Variants in ATR observed in about 807,000 individuals in gnomAD.
ATR encodes the protein ATR checkpoint kinase.
A neutral mutation model predicts 305.3 loss-of-function variants in ATR; 142 were observed. The ratio of observed to expected loss-of-function variants is 0.47; its 90% CI spans 0.41 to 0.53. ATR has a LOEUF of 0.53. ATR is among the 20% of genes least tolerant of loss of function. ATR has a pLI of 0.00. For synonymous variants in ATR, 1,050 were observed against 1,068.1 expected (o/e 0.98, Z 0.33); for missense variants, 2,135 against 3,133.1 (o/e 0.68, Z 7.60).
At position 142,570,512 on chromosome 3, in the gene ATR, G is replaced by C. The variant is rs2035225414; in HGVS notation, c.60-2358C>G. 1.3e-5 allele frequency among the ~76,000 whole-genome samples: 2 copies of C among 152,128 alleles called. 1 individual carries two copies. The highest frequency in any genetic ancestry group is 4.1e-4 in the South Asian group (2 of 4,834). On this transcript the variant is annotated intron_variant, in intron 1 of 46. Coordinates refer to ENST00000350721, the MANE Select transcript of ATR (RefSeq NM_001184.4). ...AGCGATTCTCCTGCCTCAGCCTCCT[G>C]AGTAGCTGCGATTACAAGCATGTAC...
At chr3:142,496,785 A>G (rs1038843126) in intron 33 of ATR, among the ~76,000 whole-genome samples, 3 of 152,152 alleles carry the variant, frequency 2.0e-5, no homozygotes, top group Non-Finnish European at 4.4e-5. Flanking sequence ...TCAGTAAAAA[A>G]CATATCCCCC....
chr3:142,486,742 A>G (rs2030949353), intron 35 of ATR, among the ~76,000 whole-genome samples: 1 of 151,916 alleles, frequency 6.6e-6, no homozygotes, highest in African/African-American at 2.4e-5. Context: ...ATTATTACAA[A>G]TTTATCATCC....
In ATR at chr3:142,475,139, T is replaced by C. The variant is rs2071403174; in HGVS notation, c.6222-4956A>G. Among the ~76,000 whole-genome samples, 3 of 152,328 alleles carry C rather than the reference T, an allele frequency of 2.0e-5. No individual in the cohort carries two copies. In the South Asian group the frequency reaches 6.2e-4, roughly 32 times the overall value. ...TATACTTTAAGTTATAGAGTACATG[T>C]GCACAACGTGCAGGTTTTTAGATAT... On this transcript the variant is annotated intron_variant, in intron 36 of 46. Transcript: ENST00000350721.
intron 36 of ATR, among the ~76,000 whole-genome samples, chr3:142,471,528 A>G (rs887113441): frequency 3.3e-5 from 5 of 152,178 alleles, no homozygotes; most frequent in African/African-American, 9.6e-5. Flanking sequence ...TTATTTTGTC[A>G]AGATTAATTT....
chr3:142,553,007 G>C (rs1372037056), intron 13 of ATR, among the ~76,000 whole-genome samples: 1 of 152,028 alleles, frequency 6.6e-6, no homozygotes, highest in African/African-American at 2.4e-5. Context: ...TGCATGCTGG[G>C]CTTATACCTA....
At chr3:142,478,792 ATT>A (rs948175465) in intron 36 of ATR, among the ~76,000 whole-genome samples, 6 of 152,102 alleles carry the variant, frequency 3.9e-5, no homozygotes, top group African/African-American at 1.4e-4. Context: ...GTGCATATAT[ATT>A]TAGGATAGTT....
chr3:142,571,209 T>G (rs925358995), intron 1 of ATR, among the ~76,000 whole-genome samples: 11 of 152,172 alleles, frequency 7.2e-5, no homozygotes, highest in African/African-American at 2.7e-4. Context: ...GGCTCACGCC[T>G]GTAATACGAG....
At chr3:142,450,197 T>C (rs983529977) in intron 46 of ATR, 50 of 489,406 alleles carry the variant, frequency 1.0e-4, no homozygotes, top group South Asian at 2.2e-4. Context: ...GCCAAGAGCC[T>C]GGACTCCAAA....
chr3:142,541,983 C>G (rs1328343264), intron 17 of ATR, among the ~76,000 whole-genome samples: 4 of 151,912 alleles, frequency 2.6e-5, no homozygotes, highest in Admixed American at 1.3e-4. Context: ...TGGAAAGCAA[C>G]AGAAAGAGAA....
intron 34 of ATR, among the ~76,000 whole-genome samples, chr3:142,494,215 G>A (rs767563265): frequency 3.3e-5 from 5 of 152,154 alleles, no homozygotes; most frequent in Non-Finnish European, 5.9e-5. Context: ...TGCAAATACT[G>A]TGTATGCCAC....
intron 27 of ATR, among the ~76,000 whole-genome samples, chr3:142,508,923 CA>C (rs11453887): frequency 1.1e-4 from 13 of 118,282 alleles, no homozygotes; most frequent in East Asian, 2.3e-4. Flanking sequence ...GACTCCGTAT[CA>C]AAAAAAAAAA....
intron 35 of ATR, among the ~76,000 whole-genome samples, chr3:142,489,378 AT>A (rs1172365040): frequency 6.6e-6 from 1 of 152,148 alleles, no homozygotes; most frequent in Non-Finnish European, 1.5e-5. Context: ...TTCTTAAGAC[AT>A]ATACACCCAT....
rs1354779688 is a variant in ATR, at chr3:142,550,255, A to T, written c.2853T>A (p.Asn951Lys). Reference protein sequence around the residue: ...LHSSQMTALPNTPCQNADVRK... With the variant: ...LHSSQMTALPKTPCQNADVRK... The stretch of plus-strand genomic sequence containing the variant: ...GCACGTCAGCATTCTGGCATGGAGT[A>T]TTCGGAAGTGCTGTCATCTGACTAG... Residue 951 changes from asparagine to lysine, a missense_variant, in exon 14 of 47, where the codon AAT becomes AAA. By Grantham distance (94) the Asn-to-Lys change is moderately conservative (BLOSUM62 0). Transcript: ENST00000350721. The T allele has an allele frequency of 1.2e-6, 2 of 1,614,062 alleles. No individual in the cohort carries two copies. Among genetic ancestry groups the T allele is most frequent in the Non-Finnish European group, 1.7e-6 (2 of 1,180,024 alleles).
intron 35 of ATR, among the ~76,000 whole-genome samples, chr3:142,485,589 G>C (rs1243189305): frequency 6.6e-6 from 1 of 152,086 alleles, no homozygotes; most frequent in Non-Finnish European, 1.5e-5. Flanking sequence ...GTAGTGTCTG[G>C]ATGGGTTAAA....
At position 142,549,390 on chromosome 3, in the gene ATR, T is replaced by A. The variant is rs1388586324; in HGVS notation, c.3171+89A>T. On this transcript the variant is annotated intron_variant, in intron 15 of 46. Transcript: ENST00000350721. ...CATTCTTCTAGGATAGGCTATAATT[T>A]ACTCACCCTCTTTCCTAGAAGAATG... 3 of 893,210 alleles carry A rather than the reference T, an allele frequency of 3.4e-6. No individual in the cohort carries two copies. The African/African-American group carries it at 5.2e-5, about 15-fold the overall frequency. The allele number at this position is 893,210 out of a possible 1,614,324, so 55.3% of individuals were successfully genotyped here. A position where few individuals can be genotyped will look rare whatever the true frequency, so the allele number is the denominator to read the frequency against.
At chr3:142,529,626 T>C (rs1409188366) in intron 21 of ATR, among the ~76,000 whole-genome samples, 1 of 152,184 alleles carries the variant, frequency 6.6e-6, no homozygotes, top group African/African-American at 2.4e-5. Flanking sequence ...GTGAAAACCA[T>C]ATTACTTCAA....
intron 32 of ATR, 32 bp from the exon 33 acceptor site, chr3:142,497,224 T>G: frequency 6.2e-7 from 1 of 1,603,864 alleles, no homozygotes. Flanking sequence ...GTTAAAATGT[T>G]ATCATATTCA....
At chr3:142,511,472 A>G (rs907552887) in intron 27 of ATR, among the ~76,000 whole-genome samples, 2 of 151,948 alleles carry the variant, frequency 1.3e-5, no homozygotes, top group African/African-American at 2.4e-5. Context: ...CCTGGCCAAC[A>G]TGGTGAAACC....
intron 24 of ATR, 70 bp downstream of exon 24, chr3:142,519,599 C>CA: frequency 5.1e-6 from 7 of 1,378,034 alleles, no homozygotes; most frequent in Non-Finnish European, 6.1e-6. Flanking sequence ...TGCACCCGGC[C>CA]AAAAAAATCG....
Sources: allele counts gnomAD v4.1 joint callset (sites outside exome capture counted in the v4.1 genomes callset), GRCh38; gene constraint gnomAD v4.1.1; transcripts MANE v1.5; gene names NCBI Gene and HGNC (gene_info 2026-07-23, HGNC 2026-07-21).